Variants in LRP5 observed in about 807,000 individuals in gnomAD.
The protein encoded by LRP5 is low-density lipoprotein receptor-related protein 5.
A neutral mutation model predicts 154.1 loss-of-function variants in LRP5; 62 were observed. The observed-to-expected ratio is 0.40, with a 90% CI of 0.33 to 0.50. The LOEUF is 0.50. Among genes scored for constraint, LRP5 ranks in the 20% least tolerant of loss-of-function variants. LRP5 has a pLI of 0.55. For missense variants in LRP5, 1,915 were observed against 2,336.7 expected (o/e 0.82, Z 3.72); for synonymous variants, 966 against 1,011.5 (o/e 0.96, Z 0.85).
At chr11:68,418,611 C>T (rs1339987689) in intron 13 of LRP5, among the ~76,000 whole-genome samples, 1 of 152,164 alleles carries the variant, frequency 6.6e-6, no homozygotes, top group Admixed American at 6.5e-5. Flanking sequence ...ACAGGCTGGA[C>T]GCCCCTTTCC....
At chr11:68,310,206 A>G (rs1179688643), upstream of LRP5, among the ~76,000 whole-genome samples, 3 of 152,186 alleles carry the variant, frequency 2.0e-5, no homozygotes, top group Non-Finnish European at 2.9e-5. Flanking sequence ...GCAATTTTCA[A>G]CAGGGGTCCT....
At chr11:68,376,626 G>A (rs2098637508) in intron 5 of LRP5, among the ~76,000 whole-genome samples, 1 of 152,242 alleles carries the variant, frequency 6.6e-6, no homozygotes, top group South Asian at 2.1e-4. Flanking sequence ...GTATACCGGG[G>A]TGGCCTTGCG....
At chr11:68,300,540 G>GC in the LRP5 span, among the ~76,000 whole-genome samples, 13 of 149,584 alleles carry the variant, frequency 8.7e-5, 1 homozygote, top group Admixed American at 8.7e-4. Context: ...CCCCACTTCT[G>GC]CCCCCATGTG....
At chr11:68,379,482 C>T (rs1025001342) in intron 5 of LRP5, among the ~76,000 whole-genome samples, 1 of 152,166 alleles carries the variant, frequency 6.6e-6, no homozygotes, top group African/African-American at 2.4e-5. Flanking sequence ...CGGGAGATGC[C>T]CCCACTTAAG....
At chr11:68,335,800 GAGA>G (rs1451462122) in intron 1 of LRP5, among the ~76,000 whole-genome samples, 3 of 152,226 alleles carry the variant, frequency 2.0e-5, no homozygotes, top group Non-Finnish European at 4.4e-5. Flanking sequence ...GCTAGACCGA[GAGA>G]AGGACACTTG....
In LRP5 at chr11:68,386,365, C is replaced by T; in HGVS notation, c.1065C>T (p.Ile355=). Residue 355 remains isoleucine, a synonymous_variant, in exon 6 of 23, where the codon ATC becomes ATT. Transcript: ENST00000294304. The surrounding 1 kb of genome is among the most constrained non-coding windows in gnomAD (Gnocchi z 7.9). ...LLARRTDLRR[I]SLDTPDFTDI... is the part of the protein sequence containing the mutation. ...CCCGGCGGACGGACCTACGGAGGAT[C>T]TCGCTGGACACGCCGGACTTCACCG... 1 of 1,613,590 alleles carries T rather than the reference C, an allele frequency of 6.2e-7. No individual in the cohort carries two copies. The highest frequency in any genetic ancestry group is 1.3e-5 in the African/African-American group (1 of 75,050).
chr11:68,448,109 C>T (rs1348436874), intron 22 of LRP5, among the ~76,000 whole-genome samples: 2 of 152,212 alleles, frequency 1.3e-5, no homozygotes, highest in African/African-American at 4.8e-5. Context: ...TCTTACATGG[C>T]TTCAGGGAAC....
chr11:68,404,777 T>C (rs1043129728), intron 8 of LRP5, among the ~76,000 whole-genome samples: 3 of 152,046 alleles, frequency 2.0e-5, no homozygotes, highest in African/African-American at 7.2e-5. Context: ...GAGACCATCC[T>C]GGCTAACAAG....
intron 7 of LRP5, among the ~76,000 whole-genome samples, chr11:68,399,570 G>A (rs1219269612): frequency 1.3e-5 from 2 of 152,188 alleles, no homozygotes; most frequent in South Asian, 4.1e-4. Flanking sequence ...GGCGTTCCTG[G>A]GTGTCCTAAA....
chr11:68,326,500 C>T (rs2098599768), intron 1 of LRP5, among the ~76,000 whole-genome samples: 1 of 152,280 alleles, frequency 6.6e-6, no homozygotes, highest in South Asian at 2.1e-4. Flanking sequence ...TCCCTGCCCA[C>T]CCGTCTTCCC....
In LRP5 at chr11:68,438,433, T is replaced by C. The variant is rs2153181163; in HGVS notation, c.4112-13T>C. 1 of 1,612,714 alleles carries C rather than the reference T, an allele frequency of 6.2e-7. No homozygotes were observed. Among genetic ancestry groups the C allele is most frequent in the Non-Finnish European group, 8.5e-7 (1 of 1,178,782 alleles). On this transcript the variant is annotated splice_polypyrimidine_tract_variant and intron_variant, in intron 19 of 22. Coordinates refer to ENST00000294304, the MANE Select transcript of LRP5 (RefSeq NM_002335.4). ...GTTAATGTTGGCCACCTCTTTCTGT[T>C]TGTCTCTGGCAGAAATCACCAAGCC...
At chr11:68,429,204 G>C (rs1382728517) in intron 16 of LRP5, among the ~76,000 whole-genome samples, 1 of 149,640 alleles carries the variant, frequency 6.7e-6, no homozygotes, top group Non-Finnish European at 1.5e-5. Flanking sequence ...AGTGAGCCAT[G>C]ATCGCACCAC....
intron 14 of LRP5, among the ~76,000 whole-genome samples, chr11:68,424,274 G>GGGGC (rs1023550130): frequency 3.1e-4 from 47 of 152,360 alleles, no homozygotes; most frequent in African/African-American, 1.1e-3. Flanking sequence ...ATAGCTGGGG[G>GGGGC]GCTGGCATGA....
At chr11:68,342,604 G>A (rs569542560) in intron 1 of LRP5, among the ~76,000 whole-genome samples, 1 of 152,302 alleles carries the variant, frequency 6.6e-6, no homozygotes, top group South Asian at 2.1e-4. Flanking sequence ...CTTAGGAATT[G>A]AGTGTGTGGT....
chr11:68,342,125 T>G (rs1419187416), intron 1 of LRP5, among the ~76,000 whole-genome samples: 5 of 151,808 alleles, frequency 3.3e-5, no homozygotes, highest in Non-Finnish European at 7.4e-5. Flanking sequence ...GCGGTCTTGC[T>G]GTGTTGCCCA....
chr11:68,299,755 G>A, the LRP5 span, among the ~76,000 whole-genome samples: 1 of 127,920 alleles, frequency 7.8e-6, no homozygotes, highest in East Asian at 2.0e-4. Context: ...GCTGATTTTT[G>A]TACTTTTAGT....
At chr11:68,407,116 CTCTT>C (rs1220705795) in intron 9 of LRP5, among the ~76,000 whole-genome samples, 1 of 151,922 alleles carries the variant, frequency 6.6e-6, no homozygotes, top group Non-Finnish European at 1.5e-5. Context: ...GCTCAGCAGA[CTCTT>C]TCTTCATTTA....
intron 7 of LRP5, among the ~76,000 whole-genome samples, chr11:68,400,246 C>T (rs1412080420): frequency 1.3e-5 from 2 of 152,288 alleles, no homozygotes; most frequent in African/African-American, 2.4e-5. Flanking sequence ...GGCTGCCGGC[C>T]GCTGCCCAGC....
At chr11:68,428,325 A>G (rs2098670012) in intron 16 of LRP5, among the ~76,000 whole-genome samples, 1 of 152,076 alleles carries the variant, frequency 6.6e-6, no homozygotes, top group African/African-American at 2.4e-5. Flanking sequence ...CATGTGTATT[A>G]GTGTCCCACG....
Sources: gnomAD v4.1 joint callset for allele counts (sites outside exome capture counted in the v4.1 genomes callset) on GRCh38, gnomAD v4.1.1 for gene constraint, Gnocchi (gnomAD v3.1) non-coding constraint, MANE v1.5 for transcripts, NCBI Gene and HGNC (gene_info 2026-07-23, HGNC 2026-07-21) for gene names.